Variants in ATP2B4 observed in about 807,000 individuals in gnomAD.
ATP2B4 encodes the protein plasma membrane calcium-transporting ATPase 4.
Under a neutral mutation model 110.3 loss-of-function variants are expected in ATP2B4, and 39 were observed. That is an observed-to-expected ratio of 0.35 (90% confidence interval 0.27 to 0.46). The LOEUF (loss-of-function observed/expected upper bound fraction) is 0.46, where lower values mean the gene tolerates loss of function less well. Among genes scored for constraint, ATP2B4 ranks in the 20% least tolerant of loss-of-function variants. The probability of loss-of-function intolerance (pLI) is 1.00; values close to 1 mark genes in which losing one functional copy is unlikely to be tolerated. For missense variants in ATP2B4, 1,135 were observed against 1,530.9 expected (o/e 0.74, Z 4.32); for synonymous variants, 538 against 571.7 (o/e 0.94, Z 0.84).
At chr1:203,637,358 G>A (rs894427576) in intron 1 of ATP2B4, among the ~76,000 whole-genome samples, 10 of 149,068 alleles carry the variant, frequency 6.7e-5, no homozygotes, top group Non-Finnish European at 1.2e-4. Context: ...GTGAACCCCC[G>A]GGGGGGGGCG....
intron 2 of ATP2B4, among the ~76,000 whole-genome samples, chr1:203,685,293 G>A (rs1665147641): frequency 6.6e-6 from 1 of 152,218 alleles, no homozygotes; most frequent in Admixed American, 6.5e-5. Flanking sequence ...AAGGAAACTT[G>A]CTTTTTCACT....
intron 15 of ATP2B4, among the ~76,000 whole-genome samples, chr1:203,714,845 C>G (rs545776256): frequency 1.3e-5 from 2 of 152,232 alleles, no homozygotes; most frequent in Non-Finnish European, 1.5e-5. Context: ...TTATAAGCCT[C>G]CCATACAGAT....
Position 203,683,238 on chromosome 1 carries a change from C to A in ATP2B4, c.33C>A (p.Ala11=), listed in dbSNP as rs1171840138. 6.8e-6 allele frequency: 11 copies of A among 1,613,910 alleles called. No homozygotes were observed. Among genetic ancestry groups the A allele is most frequent in the Non-Finnish European group, 8.5e-6 (10 of 1,179,996 alleles). ...ACCCATCAGACCGTGTCTTGCCTGC[C>A]AACTCGATGGCCGAGAGCCGTGAAG... is the stretch of plus-strand genomic sequence containing the variant. The part of the protein sequence containing the change: MTNPSDRVLP[A]NSMAESREGD... The change falls in exon 2 of 21, where the codon GCC becomes GCA. Residue 11 remains alanine, a synonymous_variant. Coordinates refer to ENST00000357681, the MANE Select transcript of ATP2B4 (RefSeq NM_001684.5).
chr1:203,652,413 T>C (rs1467200716), intron 1 of ATP2B4, among the ~76,000 whole-genome samples: 1 of 152,192 alleles, frequency 6.6e-6, no homozygotes, highest in Non-Finnish European at 1.5e-5. Context: ...CCCAAAGTGC[T>C]GGGATTACAG....
intron 14 of ATP2B4, 72 bp downstream of exon 14, chr1:203,713,324 C>A (rs1211432681): frequency 1.9e-6 from 3 of 1,549,744 alleles, no homozygotes; most frequent in Non-Finnish European, 2.7e-6. Context: ...TAAGAACCAC[C>A]AGCCAAAGCC....
intron 1 of ATP2B4, among the ~76,000 whole-genome samples, chr1:203,662,038 T>G (rs1571694121): frequency 6.6e-6 from 1 of 152,274 alleles, no homozygotes; most frequent in South Asian, 2.1e-4. Flanking sequence ...TTCACCTTTT[T>G]TTTTTTTTGA....
intron 1 of ATP2B4, among the ~76,000 whole-genome samples, chr1:203,641,660 G>A (rs1374008173): frequency 6.6e-6 from 1 of 152,080 alleles, no homozygotes; most frequent in African/African-American, 2.4e-5. Flanking sequence ...CTTACAACAT[G>A]CTATGGTTCC....
At chr1:203,738,787 CA>C (rs1666932697) in intron 20 of ATP2B4, among the ~76,000 whole-genome samples, 1 of 152,172 alleles carries the variant, frequency 6.6e-6, no homozygotes, top group Non-Finnish European at 1.5e-5. Context: ...CATCTTTTGA[CA>C]CCTGTATTTT....
intron 20 of ATP2B4, among the ~76,000 whole-genome samples, chr1:203,734,954 A>G (rs2102238663): frequency 6.9e-6 from 1 of 144,302 alleles, no homozygotes; most frequent in African/African-American, 2.5e-5. Context: ...CGGTGAGCCA[A>G]GATGCTCTAC....
At position 203,683,075 on chromosome 1, in the gene ATP2B4, C is replaced by A; in HGVS notation, c.-131C>A. ...GCTTATTGCACAAGATATATTCAAT[C>A]TATTCCCTCACTGGGCCCCCAGAGA... On this transcript the variant is annotated 5_prime_UTR_variant, in exon 2 of 21. Transcript: ENST00000357681. 1 of 994,848 alleles carries A rather than the reference C, an allele frequency of 1.0e-6. No individual in the cohort carries two copies. The highest frequency in any genetic ancestry group is 1.5e-6 in the Non-Finnish European group (1 of 671,976). The allele number at this position is 994,848 out of a possible 1,614,324, so 61.6% of individuals were successfully genotyped here. A position where few individuals can be genotyped will look rare whatever the true frequency, so the allele number is the denominator to read the frequency against.
Position 203,683,085 on chromosome 1 carries a change from A to C in ATP2B4, c.-121A>C, listed in dbSNP as rs1665063421. ...CAAGATATATTCAATCTATTCCCTC[A>C]CTGGGCCCCCAGAGAAGCAAGAAGT... On this transcript the variant is annotated 5_prime_UTR_variant, in exon 2 of 21. Coordinates refer to ENST00000357681, the MANE Select transcript of ATP2B4 (RefSeq NM_001684.5). 3 of 1,124,368 alleles carry C rather than the reference A, an allele frequency of 2.7e-6. No homozygotes were observed. Among genetic ancestry groups the C allele is most frequent in the Non-Finnish European group, 3.8e-6 (3 of 785,776 alleles). The allele number at this position is 1,124,368 out of a possible 1,614,324, so 69.6% of individuals were successfully genotyped here.
intron 2 of ATP2B4, among the ~76,000 whole-genome samples, chr1:203,684,783 A>AT (rs1442852347): frequency 1.1e-4 from 16 of 151,870 alleles, no homozygotes; most frequent in South Asian, 8.3e-4. Flanking sequence ...ATTATAAGTG[A>AT]TTTTTTTTCA....
chr1:203,727,845 C>T (rs936170524), intron 20 of ATP2B4: 3 of 431,528 alleles, frequency 7.0e-6, no homozygotes, highest in Non-Finnish European at 1.3e-5. Context: ...CTGCCACCCT[C>T]TATCAAATGG....
At chr1:203,701,202 C>T (rs377632070) in intron 6 of ATP2B4, among the ~76,000 whole-genome samples, 2 of 151,734 alleles carry the variant, frequency 1.3e-5, no homozygotes, top group Admixed American at 6.6e-5. Context: ...ATAAAGCCTG[C>T]CCTAAATAAA....
intron 6 of ATP2B4, among the ~76,000 whole-genome samples, chr1:203,701,392 A>G (rs751497429): frequency 1.1e-4 from 17 of 152,212 alleles, no homozygotes; most frequent in Non-Finnish European, 1.8e-4. Context: ...CAGCTAGAAG[A>G]GTAGGAACAG....
intron 2 of ATP2B4, among the ~76,000 whole-genome samples, chr1:203,696,009 C>G (rs1318156578): frequency 1.3e-5 from 2 of 152,194 alleles, no homozygotes; most frequent in African/African-American, 4.8e-5. Context: ...CTCACTGCAA[C>G]CTCTGCCTCC....
intron 19 of ATP2B4, among the ~76,000 whole-genome samples, 194 bp from the exon 20 acceptor site, chr1:203,727,201 C>T (rs1666550537): frequency 6.6e-6 from 1 of 152,164 alleles, no homozygotes; most frequent in Non-Finnish European, 1.5e-5. Flanking sequence ...GAAAACCTTC[C>T]TAAAAGCCTG....
chr1:203,700,668 T>A, intron 5 of ATP2B4, 130 bp from the exon 6 acceptor site: 1 of 1,301,064 alleles, frequency 7.7e-7, no homozygotes, highest in Non-Finnish European at 1.1e-6. Context: ...GACCTTTTCC[T>A]ACTGTGCTAA....
chr1:203,694,356 C>T (rs998803172), intron 2 of ATP2B4, among the ~76,000 whole-genome samples: 1 of 152,082 alleles, frequency 6.6e-6, no homozygotes, highest in Non-Finnish European at 1.5e-5. Flanking sequence ...AATGATTGAG[C>T]AGGATGAGGG....
Sources: allele counts gnomAD v4.1 joint callset (sites outside exome capture counted in the v4.1 genomes callset), GRCh38; gene constraint gnomAD v4.1.1; transcripts MANE v1.5; gene names NCBI Gene and HGNC (gene_info 2026-07-23, HGNC 2026-07-21).